PCDH11X: variants seen among roughly 807,000 people sequenced by gnomAD.
The protein encoded by PCDH11X is protocadherin-11 X-linked.
In PCDH11X, 18 loss-of-function variants were observed where a neutral mutation model predicts 53.3. The observed-to-expected ratio is 0.34, with a 90% CI of 0.23 to 0.50. The LOEUF is 0.50. Among genes scored for constraint, PCDH11X ranks in the 20% least tolerant of loss-of-function variants. PCDH11X has a pLI of 0.98. For synonymous variants in PCDH11X, 279 were observed against 393.3 expected (o/e 0.71, Z 3.44); for missense variants, 570 against 1,032.4 (o/e 0.55, Z 6.14).
At chrX:92,018,951 A>G (rs754016703) in intron 6 of PCDH11X, among the ~76,000 whole-genome samples, 24 of 112,507 alleles carry the variant, frequency 2.1e-4, no homozygotes, top group Admixed American at 8.6e-4. Context: ...ATTTTTTTTT[A>G]ACATTTTTAA....
At chrX:91,853,863 T>C (rs1938175788) in intron 5 of PCDH11X, among the ~76,000 whole-genome samples, 1 of 111,550 alleles carries the variant, frequency 9.0e-6, no homozygotes. Flanking sequence ...TTCTTTTTTC[T>C]TTTTTCTTTT....
chrX:92,494,308 T>C (rs1272023035), intron 10 of PCDH11X, among the ~76,000 whole-genome samples: 2 of 104,515 alleles, frequency 1.9e-5, no homozygotes, highest in African/African-American at 7.0e-5. Flanking sequence ...ATGTTATTTG[T>C]GATTCAAGAG....
chrX:92,265,641 A>G (rs1270867805), intron 8 of PCDH11X, among the ~76,000 whole-genome samples: 1 of 111,354 alleles, frequency 9.0e-6, no homozygotes, highest in Non-Finnish European at 1.9e-5. Context: ...ACACATATAT[A>G]TACACAGTTA....
chrX:92,068,175 T>A (rs1465402158), intron 6 of PCDH11X, among the ~76,000 whole-genome samples: 1 of 108,641 alleles, frequency 9.2e-6, no homozygotes, highest in Non-Finnish European at 1.9e-5. Context: ...TCTTTATTAA[T>A]TTCTTTTCTT....
intron 10 of PCDH11X, among the ~76,000 whole-genome samples, chrX:92,556,618 A>T (rs1377225842): frequency 1.8e-5 from 2 of 112,039 alleles, no homozygotes; most frequent in Non-Finnish European, 1.9e-5. Context: ...GTGGCTTTGT[A>T]GGGTACAGCC....
intron 8 of PCDH11X, among the ~76,000 whole-genome samples, chrX:92,378,839 C>T (rs2070808071): frequency 8.8e-6 from 1 of 113,016 alleles, no homozygotes; most frequent in Admixed American, 9.3e-5. Flanking sequence ...CTTCCAGATG[C>T]CATCACATTA....
At chrX:92,060,533 G>C (rs1369212356) in intron 6 of PCDH11X, among the ~76,000 whole-genome samples, 2 of 109,715 alleles carry the variant, frequency 1.8e-5, no homozygotes, top group East Asian at 5.8e-4. Flanking sequence ...TCTCTTCTTT[G>C]TGTCCATGTG....
At chrX:92,386,965 A>G (rs1401063275) in intron 8 of PCDH11X, among the ~76,000 whole-genome samples, 1 of 97,606 alleles carries the variant, frequency 1.0e-5, no homozygotes, top group Admixed American at 1.1e-4. Context: ...GGAGACTACT[A>G]CATATAGCAT....
chrX:91,828,592 G>T (rs2147603866), intron 4 of PCDH11X, among the ~76,000 whole-genome samples: 1 of 111,550 alleles, frequency 9.0e-6, no homozygotes, highest in South Asian at 3.8e-4. Context: ...AAAAAACTGA[G>T]AACTAAAAGG....
chrX:91,892,517 C>T (rs1230022757), intron 6 of PCDH11X, among the ~76,000 whole-genome samples: 2 of 110,878 alleles, frequency 1.8e-5, no homozygotes, highest in Non-Finnish European at 3.8e-5. Context: ...ATATTTTTGT[C>T]ATTTCTTCTG....
chrX:91,885,140 T>C (rs1940134969), intron 6 of PCDH11X, among the ~76,000 whole-genome samples: 1 of 106,613 alleles, frequency 9.4e-6, no homozygotes, highest in Non-Finnish European at 1.9e-5. Context: ...TGACTGTGAG[T>C]ATAACTACTT....
intron 6 of PCDH11X, among the ~76,000 whole-genome samples, chrX:92,043,175 C>A (rs1290830087): frequency 6.5e-5 from 7 of 107,507 alleles, no homozygotes; most frequent in Non-Finnish European, 1.3e-4. Context: ...GGCATATTGG[C>A]ACATAAGCAA....
chrX:92,613,442 A>G (rs1195826242), intron 10 of PCDH11X, among the ~76,000 whole-genome samples: 15 of 110,425 alleles, frequency 1.4e-4, no homozygotes, highest in Admixed American at 4.8e-4. Context: ...GTTAGCTTGT[A>G]AGGTTTCTGC....
chrX:92,062,565 C>T (rs1361168881), intron 6 of PCDH11X, among the ~76,000 whole-genome samples: 3 of 111,757 alleles, frequency 2.7e-5, no homozygotes, highest in Non-Finnish European at 5.6e-5. Context: ...CAAAAGAAGA[C>T]ATTTATGCAG....
At chrX:92,522,693 C>T (rs892481740) in intron 10 of PCDH11X, among the ~76,000 whole-genome samples, 4 of 112,240 alleles carry the variant, frequency 3.6e-5, no homozygotes, top group East Asian at 2.8e-4. Flanking sequence ...CAACATGCTG[C>T]GCTGAGCAAT....
chrX:92,037,974 A>C (rs2063153762), intron 6 of PCDH11X, among the ~76,000 whole-genome samples: 1 of 105,270 alleles, frequency 9.5e-6, no homozygotes, highest in African/African-American at 3.5e-5. Flanking sequence ...AGATGGGTAG[A>C]TTGCAAAAAT....
intron 10 of PCDH11X, among the ~76,000 whole-genome samples, chrX:92,517,089 C>T (rs2074284007): frequency 8.9e-6 from 1 of 111,778 alleles, no homozygotes; most frequent in Admixed American, 9.5e-5. Flanking sequence ...TCACAGTACC[C>T]AAGATTTTAT....
intron 8 of PCDH11X, among the ~76,000 whole-genome samples, chrX:92,313,648 T>C (rs1338972799): frequency 3.7e-5 from 4 of 109,474 alleles, no homozygotes; most frequent in Non-Finnish European, 7.6e-5. Context: ...ATTTCCTTGT[T>C]ATGAGAACAT....
intron 9 of PCDH11X, among the ~76,000 whole-genome samples, chrX:92,444,151 C>T (rs1460634160): frequency 9.2e-6 from 1 of 108,915 alleles, no homozygotes; most frequent in African/African-American, 3.3e-5. Context: ...ATTAAGTCTT[C>T]CAATCCATGA....
Sources: gnomAD v4.1 joint callset for allele counts (sites outside exome capture counted in the v4.1 genomes callset) on GRCh38, gnomAD v4.1.1 for gene constraint, MANE v1.5 for transcripts, NCBI Gene and HGNC (gene_info 2026-07-23, HGNC 2026-07-21) for gene names.